Variants in RIC8B observed in about 807,000 individuals in gnomAD.
RIC8B encodes the protein chaperone Ric-8B.
Under a neutral mutation model 57.5 loss-of-function variants are expected in RIC8B, and 16 were observed. The ratio of observed to expected loss-of-function variants is 0.28; its 90% CI spans 0.19 to 0.42. The LOEUF is 0.42. Ranked by LOEUF, RIC8B falls within the 10% of genes least tolerant of loss-of-function variation. The probability of loss-of-function intolerance (pLI) is 1.00; values close to 1 mark genes in which losing one functional copy is unlikely to be tolerated. For missense variants in RIC8B, 481 were observed against 677.0 expected, an observed-to-expected ratio of 0.71 and a Z score of 3.21; for synonymous variants, 216 against 250.8, an observed-to-expected ratio of 0.86 and a Z score of 1.31.
rs192065338 is a variant in RIC8B at position 106,851,654 on chromosome 12, A to G, written c.1306+60A>G. Reference sequence around the variant, plus strand: ...TTTCAGAGGGACTTTGAGAAATTTAATTGATAGTGTTAGTACTGGTCGTCT... The same window carrying G: ...TTTCAGAGGGACTTTGAGAAATTTAGTTGATAGTGTTAGTACTGGTCGTCT... On this transcript the variant is annotated intron_variant, in intron 7 of 9. Coordinates refer to ENST00000392837, the MANE Select transcript of RIC8B (RefSeq NM_001330145.2). 76 of 1,448,500 alleles carry G rather than the reference A, an allele frequency of 5.2e-5. No individual in the cohort carries two copies. The Admixed American group carries it at 1.3e-3, about 25-fold the overall frequency. 89.7% of individuals were successfully genotyped at this position (1,448,500 alleles called of 1,614,324 possible).
At chr12:106,842,932 T>A (rs1413324602) in intron 5 of RIC8B, 115 bp downstream of exon 5, 1 of 615,772 alleles carries the variant, frequency 1.6e-6, no homozygotes. Context: ...TTTTTCTGAC[T>A]GATGTGCTGC....
intron 2 of RIC8B, among the ~76,000 whole-genome samples, chr12:106,788,756 G>T (rs2044143051): frequency 6.6e-6 from 1 of 152,150 alleles, no homozygotes; most frequent in Non-Finnish European, 1.5e-5. Flanking sequence ...GGGACACTGG[G>T]CCCGGCCCAT....
chr12:106,777,414 C>A (rs2043544095), intron 1 of RIC8B, among the ~76,000 whole-genome samples: 1 of 152,000 alleles, frequency 6.6e-6, no homozygotes, highest in Non-Finnish European at 1.5e-5. Context: ...TAGTTGGGTA[C>A]CATATACTTC....
intron 2 of RIC8B, among the ~76,000 whole-genome samples, chr12:106,793,299 G>C (rs559816443): frequency 9.2e-5 from 14 of 152,338 alleles, no homozygotes; most frequent in Admixed American, 1.3e-4. Flanking sequence ...CCAGGGCTCA[G>C]AAATTTTGTC....
chr12:106,867,846 A>G lies in RIC8B; in HGVS notation c.1452-2977A>G, dbSNP rs1950205279. 3.3e-5 allele frequency among the ~76,000 whole-genome samples: 5 copies of G among 152,116 alleles called. No homozygotes were observed. The highest frequency in any genetic ancestry group is 3.3e-4 in the Admixed American group (5 of 15,262). Reference sequence around the variant, plus strand: ...TTACATTCTTCCGAATATCCAGGGGAAAAATGTCTTTTTAAAGGAAAAAAT... The same window carrying G: ...TTACATTCTTCCGAATATCCAGGGGGAAAATGTCTTTTTAAAGGAAAAAAT... On this transcript the variant is annotated intron_variant, in intron 8 of 9. Transcript: ENST00000392837. The surrounding 1 kb of genome is among the most constrained non-coding windows in gnomAD (Gnocchi z 4.3).
chr12:106,828,572 G>A (rs1422174691), intron 4 of RIC8B, among the ~76,000 whole-genome samples: 1 of 152,148 alleles, frequency 6.6e-6, no homozygotes, highest in Non-Finnish European at 1.5e-5. Flanking sequence ...GGGTAGCACA[G>A]TGTATGGTTG....
At chr12:106,776,173 CTCTT>C (rs1402714472) in intron 1 of RIC8B, among the ~76,000 whole-genome samples, 7 of 152,192 alleles carry the variant, frequency 4.6e-5, no homozygotes, top group African/African-American at 7.2e-5. Context: ...CCAGCGAGCG[CTCTT>C]TCTGCCGTAC....
intron 7 of RIC8B, among the ~76,000 whole-genome samples, chr12:106,854,294 G>A (rs191135472): frequency 6.6e-6 from 1 of 151,866 alleles, no homozygotes; most frequent in Admixed American, 6.6e-5. Context: ...TTTGGAATTT[G>A]GGTTTGGAGG....
Position 106,814,678 on chromosome 12 carries a change from C to T in RIC8B, c.133-18C>T. ...TGAGCCAAATAATGATTTTTGCATACTCGTTCTTGTTTTTCAGAAACTCTG... is the reference window on the plus strand; with the variant it reads ...TGAGCCAAATAATGATTTTTGCATATTCGTTCTTGTTTTTCAGAAACTCTG... On this transcript the variant is annotated intron_variant, in intron 2 of 9. Transcript: ENST00000392837. 1 of 1,561,132 alleles carries T rather than the reference C, an allele frequency of 6.4e-7. No homozygotes were observed. Among genetic ancestry groups the T allele is most frequent in the Admixed American group, 2.0e-5 (1 of 51,258 alleles).
chr12:106,806,705 G>C (rs1275441685), intron 2 of RIC8B, among the ~76,000 whole-genome samples: 1 of 151,972 alleles, frequency 6.6e-6, no homozygotes. Flanking sequence ...TGGTGCGCGC[G>C]TGTAATCCCA....
intron 9 of RIC8B, among the ~76,000 whole-genome samples, chr12:106,878,161 C>A (rs79471008): frequency 6.6e-6 from 1 of 152,132 alleles, no homozygotes; most frequent in Non-Finnish European, 1.5e-5. Flanking sequence ...ACCACTCATT[C>A]CTACCAAGTT....
intron 2 of RIC8B, among the ~76,000 whole-genome samples, chr12:106,786,577 C>T (rs2044038832): frequency 6.6e-6 from 1 of 152,174 alleles, no homozygotes; most frequent in Non-Finnish European, 1.5e-5. Flanking sequence ...ACGTTTTACT[C>T]TTTCACCAAG....
chr12:106,815,258 A>G lies in RIC8B; in HGVS notation c.695A>G (p.Lys232Arg), dbSNP rs746916116. The change falls in exon 3 of 10, where the codon AAA becomes AGA. Residue 232 changes from lysine to arginine, a missense_variant. Around this residue, in one of 3 missense-constraint regions of RIC8B, gnomAD observed 421 missense variants for 560.9 expected, o/e 0.75. Transcript: ENST00000392837. ...QETDCAIEAL[K>R]ALFNVTVDSW... ...ACAGACTGTGCCATTGAGGCCCTCA[A>G]AGCTCTCTTCAATGTGACGGTAGAC... The G allele has an allele frequency of 1.9e-6, 3 of 1,614,076 alleles. No individual in the cohort carries two copies. The highest frequency in any genetic ancestry group is 2.2e-5 in the South Asian group (2 of 91,036).
intron 2 of RIC8B, among the ~76,000 whole-genome samples, chr12:106,810,503 T>C (rs2045290216): frequency 6.6e-6 from 1 of 152,140 alleles, no homozygotes; most frequent in Non-Finnish European, 1.5e-5. Context: ...TACAGATTTG[T>C]GGTTTAGGTA....
intron 2 of RIC8B, among the ~76,000 whole-genome samples, chr12:106,801,337 A>T (rs931068203): frequency 2.4e-4 from 37 of 152,144 alleles, no homozygotes; most frequent in African/African-American, 8.7e-4. Context: ...TGATGATGTA[A>T]TGTGTCTTTC....
intron 9 of RIC8B, 68 bp downstream of exon 9, chr12:106,871,010 A>G: frequency 2.7e-6 from 4 of 1,470,904 alleles, no homozygotes; most frequent in Non-Finnish European, 3.7e-6. Flanking sequence ...TCTCTCACTG[A>G]GAGTTACCAT....
intron 9 of RIC8B, chr12:106,880,035 A>C: frequency 4.9e-6 from 4 of 814,576 alleles, no homozygotes; most frequent in Non-Finnish European, 5.9e-6. Context: ...CATGATATAC[A>C]TGTATCTGAC....
chr12:106,853,022 A>C (rs1396516628), intron 7 of RIC8B, among the ~76,000 whole-genome samples: 1 of 152,234 alleles, frequency 6.6e-6, no homozygotes, highest in Non-Finnish European at 1.5e-5. Context: ...GTCAAAATAT[A>C]TACCAAAATA....
intron 9 of RIC8B, among the ~76,000 whole-genome samples, chr12:106,877,144 C>A (rs774685632): frequency 6.6e-6 from 1 of 151,804 alleles, no homozygotes; most frequent in Non-Finnish European, 1.5e-5. Context: ...TTAAAAAAAA[C>A]TAATATTTAT....
Sources: allele counts gnomAD v4.1 joint callset (sites outside exome capture counted in the v4.1 genomes callset), GRCh38; gene constraint gnomAD v4.1.1; regional missense constraint gnomAD v4.1.1; non-coding constraint Gnocchi (gnomAD v3.1); transcripts MANE v1.5; gene names NCBI Gene and HGNC (gene_info 2026-07-23, HGNC 2026-07-21).